PLEKHA5: variants seen among roughly 807,000 people sequenced by gnomAD.
PLEKHA5 encodes pleckstrin homology domain containing A5.
Under a neutral mutation model 181.9 loss-of-function variants are expected in PLEKHA5, and 55 were observed. The observed-to-expected ratio is 0.30, with a 90% CI of 0.24 to 0.38. The LOEUF is 0.38. PLEKHA5 is among the 10% of genes least tolerant of loss of function. The probability of loss-of-function intolerance (pLI) is 1.00; values close to 1 mark genes in which losing one functional copy is unlikely to be tolerated. For synonymous variants in PLEKHA5, 535 were observed against 529.4 expected (o/e 1.01, Z -0.15); for missense variants, 1,432 against 1,549.5 (o/e 0.92, Z 1.27).
At chr12:19,197,073 T>TC (rs753937631) in intron 3 of PLEKHA5, among the ~76,000 whole-genome samples, 1 of 152,114 alleles carries the variant, frequency 6.6e-6, no homozygotes, top group Non-Finnish European at 1.5e-5. Context: ...GTAGCTCTCT[T>TC]CCCCACTGAC....
At chr12:19,195,288 C>G (rs2052372171) in intron 3 of PLEKHA5, among the ~76,000 whole-genome samples, 1 of 152,114 alleles carries the variant, frequency 6.6e-6, no homozygotes, top group South Asian at 2.1e-4. Flanking sequence ...TCCCACAACC[C>G]CTTTTTCCCC....
At chr12:19,316,432 G>T (rs182346202) in intron 16 of PLEKHA5, among the ~76,000 whole-genome samples, 2 of 149,638 alleles carry the variant, frequency 1.3e-5, no homozygotes, top group Non-Finnish European at 3.0e-5. Flanking sequence ...AGGGCTGAGG[G>T]GGGGGAAAGT....
Position 19,361,678 on chromosome 12 carries a change from G to A in PLEKHA5, c.3580G>A (p.Asp1194Asn). 1 of 1,598,084 alleles carries A rather than the reference G, an allele frequency of 6.3e-7. No homozygotes were observed. The highest frequency in any genetic ancestry group is 8.5e-7 in the Non-Finnish European group (1 of 1,170,626). Residue 1194 changes from aspartate (D) to asparagine (N), a missense_variant, in exon 29 of 32, where the codon GAC (aspartate) becomes AAC (asparagine). Around this residue, in one of 2 missense-constraint regions of PLEKHA5, gnomAD observed 1,143 missense variants for 1,168.4 expected, o/e 0.98. Coordinates refer to ENST00000429027, the MANE Select transcript of PLEKHA5 (RefSeq NM_001256470.2). ...AATGATGGATAAAGAAAGAAACAAA[G>A]ACAAAATGCCTGAGGATGTTACATT... is the stretch of plus-strand genomic sequence containing the variant. ...VEMMDKERNK[D>N]KMPEDVTFSP...
At chr12:19,321,035 T>A (rs1343432761) in intron 18 of PLEKHA5, 1 of 153,754 alleles carries the variant, frequency 6.5e-6, no homozygotes, top group African/African-American at 2.4e-5. Flanking sequence ...GGCATGGTGG[T>A]ACACGCTTGT....
intron 3 of PLEKHA5, among the ~76,000 whole-genome samples, chr12:19,231,001 G>T (rs919452296): frequency 1.3e-5 from 2 of 152,148 alleles, no homozygotes; most frequent in Non-Finnish European, 2.9e-5. Context: ...TTGTCTTTTA[G>T]GTCCTAAGGC....
At chr12:19,323,063 A>G (rs537313195) in intron 20 of PLEKHA5, among the ~76,000 whole-genome samples, 10 of 119,402 alleles carry the variant, frequency 8.4e-5, no homozygotes, top group African/African-American at 3.3e-4. Flanking sequence ...GGGCCTCACT[A>G]TGTTGCCCAG....
At chr12:19,241,554 C>T (rs939866334) in intron 3 of PLEKHA5, among the ~76,000 whole-genome samples, 4 of 152,020 alleles carry the variant, frequency 2.6e-5, no homozygotes, top group Non-Finnish European at 5.9e-5. Context: ...GCTAGGAGTT[C>T]AAGACCAGCC....
chr12:19,357,254 C>CTT (rs5796799), intron 26 of PLEKHA5, among the ~76,000 whole-genome samples: 2 of 96,124 alleles, frequency 2.1e-5, no homozygotes, highest in African/African-American at 6.9e-5. Context: ...TCTTTATATT[C>CTT]TTTTTTTTTT....
chr12:19,292,021 G>A (rs2078577383), intron 15 of PLEKHA5, among the ~76,000 whole-genome samples: 1 of 152,168 alleles, frequency 6.6e-6, no homozygotes, highest in Non-Finnish European at 1.5e-5. Flanking sequence ...CCTAATTAAA[G>A]GAACAGACAC....
intron 15 of PLEKHA5, among the ~76,000 whole-genome samples, chr12:19,306,107 C>G (rs1459466581): frequency 1.3e-5 from 2 of 151,906 alleles, no homozygotes; most frequent in Non-Finnish European, 2.9e-5. Context: ...TCGTATTTGC[C>G]AAACAGACCT....
chr12:19,216,384 C>T (rs745483016), intron 3 of PLEKHA5, among the ~76,000 whole-genome samples: 15 of 152,064 alleles, frequency 9.9e-5, no homozygotes, highest in African/African-American at 2.9e-4. Flanking sequence ...TTCTGTTGGC[C>T]GGGCACAGTG....
At chr12:19,189,520 G>C (rs909020866) in intron 3 of PLEKHA5, among the ~76,000 whole-genome samples, 1 of 152,032 alleles carries the variant, frequency 6.6e-6, no homozygotes, top group Non-Finnish European at 1.5e-5. Context: ...TGTTCTTTTG[G>C]GGGAAAGGGC....
intron 7 of PLEKHA5, among the ~76,000 whole-genome samples, chr12:19,264,151 A>G (rs2069499926): frequency 6.6e-6 from 1 of 152,076 alleles, no homozygotes; most frequent in South Asian, 2.1e-4. Context: ...TTTGATGTGT[A>G]TTAACTCATT....
chr12:19,244,532 T>C (rs1424254868), intron 3 of PLEKHA5, among the ~76,000 whole-genome samples: 1 of 152,248 alleles, frequency 6.6e-6, no homozygotes, highest in Non-Finnish European at 1.5e-5. Context: ...TACTGGCCTT[T>C]GTTGCCAGGA....
chr12:19,200,368 A>G (rs1354174864), intron 3 of PLEKHA5: 2 of 1,529,396 alleles, frequency 1.3e-6, no homozygotes, highest in East Asian at 4.9e-5. Flanking sequence ...TAGAAGATGT[A>G]ATGGAAGTTC....
At chr12:19,222,561 G>A (rs142621378) in intron 3 of PLEKHA5, among the ~76,000 whole-genome samples, 1 of 152,188 alleles carries the variant, frequency 6.6e-6, no homozygotes, top group Non-Finnish European at 1.5e-5. Flanking sequence ...TTTTGAAATG[G>A]CCTATAATAA....
chr12:19,179,351 A>T (rs28406612), intron 3 of PLEKHA5, among the ~76,000 whole-genome samples: 1 of 152,200 alleles, frequency 6.6e-6, no homozygotes, highest in East Asian at 1.9e-4. Flanking sequence ...CTGAAAAAAC[A>T]ATTGAACAAA....
intron 29 of PLEKHA5, 28 bp downstream of exon 29, chr12:19,361,734 A>G: frequency 6.3e-7 from 1 of 1,577,758 alleles, no homozygotes; most frequent in Non-Finnish European, 8.6e-7. Flanking sequence ...CAAAGGAATC[A>G]TTCACAAAAC....
In PLEKHA5 at chr12:19,353,937, G is replaced by C. The variant is rs756399968; in HGVS notation, c.3073G>C (p.Glu1025Gln). 1 of 1,611,686 alleles carries C rather than the reference G, an allele frequency of 6.2e-7. No individual in the cohort carries two copies. The highest frequency in any genetic ancestry group is 1.1e-5 in the South Asian group (1 of 91,002). ...TCCAAGAGCAAAATCACCAACACCC[G>C]AATCTTCGACAATAGCTTCCTATGT... ...VPPRAKSPTPESSTIASYVTL... is the reference protein window; with the variant it reads ...VPPRAKSPTPQSSTIASYVTL... Residue 1025 changes from glutamate (E) to glutamine (Q), a missense_variant, in exon 26 of 32, where the codon GAA (glutamate) becomes CAA (glutamine). Physicochemically the swap from Glu to Gln is conservative, Grantham distance 29. Transcript: ENST00000429027.
Sources: allele counts gnomAD v4.1 joint callset (sites outside exome capture counted in the v4.1 genomes callset), GRCh38; gene constraint gnomAD v4.1.1; regional missense constraint gnomAD v4.1.1; transcripts MANE v1.5; gene names NCBI Gene and HGNC (gene_info 2026-07-23, HGNC 2026-07-21).